The following MICU3 variants were observed in gnomAD, a reference collection of about 807,000 sequenced individuals.
MICU3 encodes the protein calcium uptake protein 3, mitochondrial.
A neutral mutation model predicts 66.5 loss-of-function variants in MICU3; 62 were observed. The ratio of observed to expected loss-of-function variants is 0.93; its 90% confidence interval spans 0.76 to 1.15. The LOEUF is 1.15. Ranked by LOEUF, MICU3 falls within the 50% of genes most tolerant of loss-of-function variation. MICU3 has a pLI of 0.00. For synonymous variants in MICU3, 308 were observed against 240.7 expected (o/e 1.28, Z -2.59); for missense variants, 779 against 664.4 (o/e 1.17, Z -1.90).
intron 1 of MICU3, among the ~76,000 whole-genome samples, chr8:17,038,033 A>C (rs1295007519): frequency 6.6e-6 from 1 of 152,072 alleles, no homozygotes; most frequent in Non-Finnish European, 1.5e-5. Context: ...CTTGCTTTTG[A>C]TTTTATAGGC....
At chr8:17,031,314 G>C (rs1028167316) in intron 1 of MICU3, among the ~76,000 whole-genome samples, 2 of 132,890 alleles carry the variant, frequency 1.5e-5, no homozygotes, top group African/African-American at 5.8e-5. Context: ...TTGAGACATA[G>C]CATCGCTCTA....
chr8:17,096,955 TTGTGTGTGTGTGTGTGTGTGTG>T (rs3988378), intron 8 of MICU3, among the ~76,000 whole-genome samples: 1 of 141,548 alleles, frequency 7.1e-6, no homozygotes, highest in Admixed American at 7.1e-5. Flanking sequence ...CTAAATATAT[TTGTGTGTGTGTGTGTGTGTGTG>T]TGTGTGTGTG....
intron 8 of MICU3, among the ~76,000 whole-genome samples, chr8:17,096,247 T>C (rs947922188): frequency 5.9e-5 from 9 of 151,926 alleles, no homozygotes; most frequent in African/African-American, 2.2e-4. Context: ...TGTCAGCCTT[T>C]CCTTACTTAG....
downstream of MICU3, among the ~76,000 whole-genome samples, chr8:17,127,454 AT>A (rs1314136850): frequency 2.3e-4 from 19 of 81,100 alleles, no homozygotes; most frequent in Admixed American, 1.3e-3. Context: ...AAGCAATAGG[AT>A]TTGCTTGTTG....
intron 2 of MICU3, among the ~76,000 whole-genome samples, chr8:17,064,443 C>T (rs780109943): frequency 6.6e-6 from 1 of 152,124 alleles, no homozygotes; most frequent in South Asian, 2.1e-4. Flanking sequence ...ATTGCTCCAT[C>T]TTTCTCAGCT....
chr8:17,058,102 G>C (rs890801936), intron 1 of MICU3, among the ~76,000 whole-genome samples: 1 of 152,010 alleles, frequency 6.6e-6, no homozygotes, highest in East Asian at 1.9e-4. Flanking sequence ...CACCCGCCTC[G>C]GCCTCCAAAA....
At chr8:17,135,591 T>G in the MICU3 span, among the ~76,000 whole-genome samples, 4 of 152,106 alleles carry the variant, frequency 2.6e-5, no homozygotes, top group Non-Finnish European at 5.9e-5. Flanking sequence ...GTCTTTGCCC[T>G]ATCTACATTA....
rs1448275256 is a variant in MICU3, at chr8:17,105,524, A to G, written c.1197A>G (p.Thr399=). The G allele has an allele frequency of 6.3e-7, 1 of 1,575,478 alleles. No homozygotes were observed. ...TTGCTCATATTCTTTTACGATATAC[A>G]AATGTGGAAAATACATCAGTATTTT... ...EDFAHILLRY[T]NVENTSVFLE... The change falls in exon 11 of 15, where the codon ACA becomes ACG. Residue 399 remains threonine (T), a synonymous_variant. Coordinates refer to ENST00000318063, the MANE Select transcript of MICU3 (RefSeq NM_181723.3).
At position 17,121,937 on chromosome 8, in the gene MICU3, C is replaced by G. The variant is rs1025800897; in HGVS notation, c.*1650C>G. ...TACCTCAGGTCTATTTTACCTTACACTGAATGTTCTTAATATGATTTGGTA... is the reference window on the plus strand; with the variant it reads ...TACCTCAGGTCTATTTTACCTTACAGTGAATGTTCTTAATATGATTTGGTA... On this transcript the variant is annotated 3_prime_UTR_variant, in exon 15 of 15. Coordinates refer to ENST00000318063, the MANE Select transcript of MICU3 (RefSeq NM_181723.3). 1 of 151,746 alleles carries G rather than the reference C, an allele frequency of 6.6e-6. No homozygotes were observed. The highest frequency in any genetic ancestry group is 2.4e-5 in the African/African-American group (1 of 41,410). 9.4% of individuals were successfully genotyped at this position (151,746 alleles called of 1,614,324 possible).
At chr8:17,062,986 A>C (rs1453121588) in intron 1 of MICU3, among the ~76,000 whole-genome samples, 3 of 152,216 alleles carry the variant, frequency 2.0e-5, no homozygotes, top group Non-Finnish European at 4.4e-5. Flanking sequence ...TTAGAAGTCA[A>C]CATGAATAAC....
At chr8:17,042,753 T>A (rs1199099912) in intron 1 of MICU3, among the ~76,000 whole-genome samples, 2 of 152,142 alleles carry the variant, frequency 1.3e-5, no homozygotes, top group Non-Finnish European at 2.9e-5. Context: ...ATTTCTAGAA[T>A]TTAGAGTACA....
intron 1 of MICU3, among the ~76,000 whole-genome samples, chr8:17,030,820 C>T (rs536021179): frequency 6.6e-6 from 1 of 152,124 alleles, no homozygotes; most frequent in African/African-American, 2.4e-5. Context: ...AATATTAATA[C>T]CTTACTTCTA....
chr8:17,086,412 C>T (rs924183526), intron 6 of MICU3, among the ~76,000 whole-genome samples: 6 of 152,114 alleles, frequency 3.9e-5, no homozygotes, highest in Admixed American at 2.0e-4. Context: ...CCCTTGCCCA[C>T]GTGTAGTCCC....
chr8:17,032,019 C>T (rs1812163069), intron 1 of MICU3, among the ~76,000 whole-genome samples: 1 of 152,176 alleles, frequency 6.6e-6, no homozygotes, highest in African/African-American at 2.4e-5. Context: ...TGTTAAGGGT[C>T]CTAGCCTGAT....
At chr8:17,123,409 G>A (rs1049957766), downstream of MICU3, among the ~76,000 whole-genome samples, 1 of 152,026 alleles carries the variant, frequency 6.6e-6, no homozygotes, top group African/African-American at 2.4e-5. Context: ...ATAAGAGAAT[G>A]GAGAGGGATC....
the MICU3 span, among the ~76,000 whole-genome samples, chr8:17,135,847 T>C: frequency 6.6e-6 from 1 of 152,122 alleles, no homozygotes; most frequent in African/African-American, 2.4e-5. Flanking sequence ...AAATCGGTTA[T>C]ATCATTTTTC....
intron 9 of MICU3, among the ~76,000 whole-genome samples, chr8:17,103,645 G>A (rs1184935498): frequency 2.6e-5 from 4 of 151,836 alleles, no homozygotes; most frequent in Non-Finnish European, 5.9e-5. Flanking sequence ...TTAAAGGAAG[G>A]TGGATGATTT....
At chr8:17,124,748 C>T (rs888567159), downstream of MICU3, among the ~76,000 whole-genome samples, 2 of 151,824 alleles carry the variant, frequency 1.3e-5, no homozygotes, top group African/African-American at 2.4e-5. Context: ...GGTAACGGCT[C>T]GTCCAGGGAT....
the MICU3 span, among the ~76,000 whole-genome samples, chr8:17,135,667 A>C: frequency 6.6e-6 from 1 of 152,226 alleles, no homozygotes; most frequent in South Asian, 2.1e-4. Flanking sequence ...GTAAAATACT[A>C]ATAGAGGCAG....
Sources: gnomAD v4.1 joint callset for allele counts (sites outside exome capture counted in the v4.1 genomes callset) on GRCh38, gnomAD v4.1.1 for gene constraint, MANE v1.5 for transcripts, NCBI Gene and HGNC (gene_info 2026-07-23, HGNC 2026-07-21) for gene names.